The following GPM6A variants were observed in gnomAD, a reference collection of about 807,000 sequenced individuals.
GPM6A encodes neuronal membrane glycoprotein M6-a.
Under a neutral mutation model 32.1 loss-of-function variants are expected in GPM6A, and 7 were observed. That is an observed-to-expected ratio of 0.22 (90% CI 0.12 to 0.41). The LOEUF is 0.41. GPM6A is among the 10% of genes least tolerant of loss of function. The pLI is 1.00. For synonymous variants in GPM6A, 130 were observed against 123.4 expected, an observed-to-expected ratio of 1.05 and a Z score of -0.35; for missense variants, 235 against 347.2, an observed-to-expected ratio of 0.68 and a Z score of 2.57.
chr4:175,790,957 T>C (rs769923263), intron 1 of GPM6A, among the ~76,000 whole-genome samples: 7 of 152,198 alleles, frequency 4.6e-5, no homozygotes, highest in Non-Finnish European at 8.8e-5. Flanking sequence ...ATATTTACAA[T>C]TAAAGTTTGC....
At chr4:175,976,143 C>T (rs1039178737) in intron 1 of GPM6A, among the ~76,000 whole-genome samples, 21 of 149,002 alleles carry the variant, frequency 1.4e-4, no homozygotes, top group African/African-American at 5.2e-4. Context: ...ACATTTGTGG[C>T]TTAAATATGT....
At chr4:175,962,535 C>T (rs1240154660) in intron 1 of GPM6A, 2 of 483,232 alleles carry the variant, frequency 4.1e-6, no homozygotes, top group South Asian at 3.5e-5. Flanking sequence ...TAAGAAAGGA[C>T]ATCCCTGTAC....
intron 1 of GPM6A, among the ~76,000 whole-genome samples, chr4:175,925,673 T>C (rs1047394748): frequency 6.6e-6 from 1 of 152,136 alleles, no homozygotes; most frequent in African/African-American, 2.4e-5. Flanking sequence ...ATGTTCTTAA[T>C]ACATGTATTT....
At chr4:175,760,840 T>C (rs1400922356) in intron 1 of GPM6A, among the ~76,000 whole-genome samples, 2 of 152,044 alleles carry the variant, frequency 1.3e-5, no homozygotes, top group African/African-American at 4.8e-5. Flanking sequence ...AATGTTTGTC[T>C]GGGTACATCT....
At chr4:175,926,565 G>A (rs1413741676) in intron 1 of GPM6A, among the ~76,000 whole-genome samples, 1 of 152,012 alleles carries the variant, frequency 6.6e-6, no homozygotes. Flanking sequence ...ATTTAAATAT[G>A]ACAATTTTCT....
chr4:175,985,033 T>G (rs563546796), intron 1 of GPM6A, among the ~76,000 whole-genome samples: 1 of 152,350 alleles, frequency 6.6e-6, no homozygotes, highest in African/African-American at 2.4e-5. Context: ...TTAGAAGGCT[T>G]AATTCTCCCA....
chr4:175,695,544 A>G (rs559138784), intron 2 of GPM6A, among the ~76,000 whole-genome samples: 2 of 152,374 alleles, frequency 1.3e-5, no homozygotes, highest in South Asian at 4.1e-4. Flanking sequence ...GGGGGCTTAT[A>G]GCCCCTTTCT....
intron 6 of GPM6A, among the ~76,000 whole-genome samples, chr4:175,637,530 A>T (rs1172992178): frequency 1.9e-5 from 2 of 103,850 alleles, no homozygotes; most frequent in South Asian, 2.5e-4. Context: ...TATATATATA[A>T]AAATATACAA....
chr4:175,866,665 T>A (rs1041889406), intron 1 of GPM6A, among the ~76,000 whole-genome samples: 1 of 152,218 alleles, frequency 6.6e-6, no homozygotes, highest in Non-Finnish European at 1.5e-5. Flanking sequence ...TCCATTCACC[T>A]ACTAAGGAAC....
At chr4:175,972,581 T>A (rs191113296) in intron 1 of GPM6A, among the ~76,000 whole-genome samples, 3 of 152,364 alleles carry the variant, frequency 2.0e-5, no homozygotes, top group African/African-American at 7.2e-5. Context: ...AATGGTAATT[T>A]ACGGTGCTAG....
At chr4:175,762,406 G>C (rs1003061238) in intron 1 of GPM6A, among the ~76,000 whole-genome samples, 3 of 151,980 alleles carry the variant, frequency 2.0e-5, no homozygotes, top group African/African-American at 7.3e-5. Context: ...ACAACATTTA[G>C]ACTAGCACTA....
At chr4:175,922,282 G>A (rs1738694655) in intron 1 of GPM6A, among the ~76,000 whole-genome samples, 1 of 152,144 alleles carries the variant, frequency 6.6e-6, no homozygotes, top group Non-Finnish European at 1.5e-5. Context: ...ATACCCAAAT[G>A]TCCTATAAGT....
intron 1 of GPM6A, among the ~76,000 whole-genome samples, chr4:175,899,782 G>A (rs369422663): frequency 6.6e-6 from 1 of 151,140 alleles, no homozygotes; most frequent in African/African-American, 2.4e-5. Flanking sequence ...AAAAAAAAAT[G>A]GGGAAAATCT....
At chr4:175,815,215 A>G (rs1193006499), upstream of GPM6A, among the ~76,000 whole-genome samples, 1 of 152,096 alleles carries the variant, frequency 6.6e-6, no homozygotes, top group Non-Finnish European at 1.5e-5. Flanking sequence ...TGGTTTCACC[A>G]TGTTGGCCAG....
rs10548625 is a variant in GPM6A, at chr4:175,838,112, G to GACACACACAC, written c.-22-25873_-22-25864dup. 4.5e-3 allele frequency among the ~76,000 whole-genome samples: 644 copies of GACACACACAC among 141,956 alleles called. 3 individuals carry two copies. Among genetic ancestry groups the GACACACACAC allele is most frequent in the African/African-American group, 0.015 (595 of 38,388 alleles). The allele number at this position is 141,956 out of a possible 152,430, so 93.1% of individuals were successfully genotyped here. On this transcript the variant is annotated intron_variant, in intron 1 of 7. Transcript: ENST00000280187. ...TAAAACACACACACACACACACACA[G>GACACACACAC]ACACACACACACACACACACACACA...
chr4:175,658,277 G>A (rs536054350), intron 3 of GPM6A, among the ~76,000 whole-genome samples: 1 of 148,556 alleles, frequency 6.7e-6, no homozygotes, highest in Non-Finnish European at 1.5e-5. Context: ...AAGACATGCA[G>A]AAATTTTAAA....
chr4:175,956,683 T>C (rs1739997227), intron 1 of GPM6A, among the ~76,000 whole-genome samples: 1 of 151,216 alleles, frequency 6.6e-6, no homozygotes, highest in African/African-American at 2.5e-5. Flanking sequence ...CAAAAGAAAG[T>C]TGATTAATCC....
At chr4:175,962,366 C>T (rs1740194511) in intron 1 of GPM6A, 2 of 773,172 alleles carry the variant, frequency 2.6e-6, no homozygotes, top group Non-Finnish European at 4.7e-6. Context: ...CATCTAGCTC[C>T]CTGTTGCTGA....
chr4:175,686,073 A>G lies in GPM6A; in HGVS notation c.231-12237T>C, dbSNP rs566829475. ...TTCTTCCCATGGCAAAAAGCAGGAA[A>G]TCAGATGTGCCTCCAGTAAAACTAC... is the stretch of plus-strand genomic sequence containing the variant. On this transcript the variant is annotated intron_variant, in intron 2 of 6. Coordinates refer to ENST00000393658, the MANE Select transcript of GPM6A (RefSeq NM_201591.3). Among the ~76,000 whole-genome samples the G allele has an allele frequency of 9.8e-5, 15 of 152,316 alleles. No individual in the cohort carries two copies. In the South Asian group the frequency reaches 2.9e-3, roughly 29 times the overall value.
Sources: gnomAD v4.1 joint callset for allele counts (sites outside exome capture counted in the v4.1 genomes callset) on GRCh38, gnomAD v4.1.1 for gene constraint, MANE v1.5 for transcripts, NCBI Gene and HGNC (gene_info 2026-07-23, HGNC 2026-07-21) for gene names.